SMC5: variants seen among roughly 807,000 people sequenced by gnomAD.
SMC5 encodes structural maintenance of chromosomes 5, also known as structural maintenance of chromosomes protein 5.
In SMC5, 88 loss-of-function variants were observed where a neutral mutation model predicts 148.3. The ratio of observed to expected loss-of-function variants is 0.59; its 90% CI spans 0.50 to 0.71. SMC5 has a LOEUF of 0.71. Among genes scored for constraint, SMC5 ranks in the 30% least tolerant of loss-of-function variants. The pLI, the probability that SMC5 is intolerant of heterozygous loss-of-function variation, is 0.00. For synonymous variants in SMC5, 421 were observed against 432.8 expected (o/e 0.97, Z 0.34); for missense variants, 1,142 against 1,298.9 (o/e 0.88, Z 1.86).
At chr9:70,273,368 CTTAT>C (rs996643283) in intron 3 of SMC5, among the ~76,000 whole-genome samples, 3 of 151,784 alleles carry the variant, frequency 2.0e-5, no homozygotes, top group East Asian at 1.9e-4. Flanking sequence ...ATACCATCCT[CTTAT>C]TTGAGTTTAC....
intron 8 of SMC5, among the ~76,000 whole-genome samples, chr9:70,294,525 G>A (rs2118338504): frequency 6.6e-6 from 1 of 152,246 alleles, no homozygotes; most frequent in Non-Finnish European, 1.5e-5. Flanking sequence ...AGCTGATTAA[G>A]GAAAGAAATG....
At chr9:70,321,684 A>T (rs1188942567) in intron 15 of SMC5, among the ~76,000 whole-genome samples, 1 of 152,088 alleles carries the variant, frequency 6.6e-6, no homozygotes, top group Non-Finnish European at 1.5e-5. Context: ...ACCCAGCCAA[A>T]AGTCTTTTCT....
intron 8 of SMC5, among the ~76,000 whole-genome samples, chr9:70,288,376 C>T (rs1301899537): frequency 6.6e-6 from 1 of 151,896 alleles, no homozygotes; most frequent in East Asian, 1.9e-4. Context: ...ATTTGTGTAT[C>T]CATTTTTTCC....
chr9:70,268,604 G>GTTTTT (rs886561370), intron 3 of SMC5, among the ~76,000 whole-genome samples: 1 of 142,134 alleles, frequency 7.0e-6, no homozygotes, highest in Non-Finnish European at 1.5e-5. Flanking sequence ...AAGTATCTGG[G>GTTTTT]TTTTTTTTTT....
intron 17 of SMC5, among the ~76,000 whole-genome samples, chr9:70,330,295 A>G (rs1291896330): frequency 6.6e-6 from 1 of 152,144 alleles, no homozygotes; most frequent in Non-Finnish European, 1.5e-5. Context: ...GTACACACAC[A>G]CATACTTCAC....
intron 3 of SMC5, among the ~76,000 whole-genome samples, chr9:70,269,552 G>T (rs1287634514): frequency 6.6e-6 from 1 of 152,102 alleles, no homozygotes; most frequent in Non-Finnish European, 1.5e-5. Context: ...CCGCACTCCA[G>T]CCTGGGTGAC....
rs1348501225 is a variant in SMC5 at position 70,318,528 on chromosome 9, C to T, written c.1821C>T (p.Thr607=). ...TTACGTTATAGGTAATACAAGAAAC[C>T]CGATTAAAACAGATTTATACAGCAG... ...RERIERVIQE[T]RLKQIYTAEE... The change falls in exon 14 of 25, where the codon ACC becomes ACT. Residue 607 remains threonine, a synonymous_variant. Transcript: ENST00000361138. The T allele has an allele frequency of 1.9e-6, 3 of 1,596,288 alleles. No homozygotes were observed. The highest frequency in any genetic ancestry group is 8.5e-7 in the Non-Finnish European group (1 of 1,171,998).
rs1168256226 is a variant in SMC5, at chr9:70,354,103, A to G, written c.*1772A>G. 2.0e-5 allele frequency: 3 copies of G among 152,244 alleles called. No homozygotes were observed. Among genetic ancestry groups the G allele is most frequent in the Non-Finnish European group, 4.4e-5 (3 of 68,030 alleles). The allele number at this position is 152,244 out of a possible 1,614,324, so 9.4% of individuals were successfully genotyped here. ...TTAATTTCTCTACTGGACAAAATTAATATTTGGCTTTACATTGAATTTTGA... is the reference window on the plus strand; with the variant it reads ...TTAATTTCTCTACTGGACAAAATTAGTATTTGGCTTTACATTGAATTTTGA... On this transcript the variant is annotated 3_prime_UTR_variant, in exon 25 of 25. Transcript: ENST00000361138.
chr9:70,281,329 C>T (rs968534935), intron 6 of SMC5, among the ~76,000 whole-genome samples: 4 of 152,096 alleles, frequency 2.6e-5, no homozygotes, highest in East Asian at 1.9e-4. Context: ...TGTGAGCCAC[C>T]GCGCCAGGCT....
At chr9:70,283,504 C>T (rs1042630362) in intron 7 of SMC5, among the ~76,000 whole-genome samples, 1 of 151,966 alleles carries the variant, frequency 6.6e-6, no homozygotes, top group Non-Finnish European at 1.5e-5. Flanking sequence ...AAAAATAAAT[C>T]AATAAAGAAT....
At chr9:70,275,810 T>A (rs1375134048) in intron 3 of SMC5, among the ~76,000 whole-genome samples, 1 of 152,172 alleles carries the variant, frequency 6.6e-6, no homozygotes, top group Non-Finnish European at 1.5e-5. Context: ...TTTGGTGTCT[T>A]TCATCAGTTT....
Position 70,286,499 on chromosome 9 carries a change from G to T in SMC5, c.1053+228G>T, listed in dbSNP as rs553356517. On this transcript the variant is annotated intron_variant, in intron 8 of 24. Coordinates refer to ENST00000361138, the MANE Select transcript of SMC5 (RefSeq NM_015110.4). ...GCTGTGCCTTATGATATTTGTAGCT[G>T]GGTGGCTGTAGTTTTTTAATAGGAT... Among the ~76,000 whole-genome samples the T allele has an allele frequency of 3.3e-5, 5 of 152,160 alleles. No individual in the cohort carries two copies. In the South Asian group the frequency reaches 1.0e-3, roughly 32 times the overall value.
chr9:70,332,796 T>G (rs2036253674), intron 17 of SMC5, among the ~76,000 whole-genome samples: 1 of 152,182 alleles, frequency 6.6e-6, no homozygotes, highest in Non-Finnish European at 1.5e-5. Flanking sequence ...TGGATATTCA[T>G]CAATATAATT....
At chr9:70,308,466 C>T (rs993420204) in intron 11 of SMC5, among the ~76,000 whole-genome samples, 3 of 151,552 alleles carry the variant, frequency 2.0e-5, no homozygotes, top group Admixed American at 6.6e-5. Flanking sequence ...GGTGGCAGGG[C>T]GCCTGTAGTC....
At chr9:70,331,919 C>T (rs1435708808) in intron 17 of SMC5, among the ~76,000 whole-genome samples, 3 of 151,994 alleles carry the variant, frequency 2.0e-5, no homozygotes, top group Admixed American at 6.6e-5. Context: ...CTATGATTGC[C>T]TCATCTTACT....
intron 3 of SMC5, among the ~76,000 whole-genome samples, chr9:70,270,666 T>G (rs960077274): frequency 6.0e-5 from 8 of 134,100 alleles, no homozygotes; most frequent in East Asian, 2.5e-4. Flanking sequence ...TTTTTTTTTT[T>G]GGGACGGAGT....
intron 11 of SMC5, among the ~76,000 whole-genome samples, chr9:70,305,702 G>C (rs1428805837): frequency 6.6e-6 from 1 of 152,120 alleles, no homozygotes; most frequent in Non-Finnish European, 1.5e-5. Flanking sequence ...GTATTGGAAT[G>C]AACTCAGTTT....
chr9:70,308,763 T>G (rs542157499), intron 11 of SMC5, among the ~76,000 whole-genome samples: 1 of 152,210 alleles, frequency 6.6e-6, no homozygotes, highest in South Asian at 2.1e-4. Flanking sequence ...TTAAAATATA[T>G]TTTTTACACT....
intron 2 of SMC5, among the ~76,000 whole-genome samples, chr9:70,264,831 A>G (rs923255871): frequency 6.6e-6 from 1 of 152,212 alleles, no homozygotes; most frequent in African/African-American, 2.4e-5. Flanking sequence ...TTGTGTGAAC[A>G]TAATAGAGAA....
Sources: allele counts gnomAD v4.1 joint callset (sites outside exome capture counted in the v4.1 genomes callset), GRCh38; gene constraint gnomAD v4.1.1; transcripts MANE v1.5; gene names NCBI Gene and HGNC (gene_info 2026-07-23, HGNC 2026-07-21).